Variants in LZTR1 observed in about 807,000 individuals in gnomAD.
LZTR1 encodes leucine zipper like post translational regulator 1.
Under a neutral mutation model 105.7 loss-of-function variants are expected in LZTR1, and 260 were observed. The ratio of observed to expected loss-of-function variants is 2.46; its 90% confidence interval spans 2.22 to 2.72. LZTR1 has a LOEUF of 2.72. Among genes scored for constraint, LZTR1 ranks in the 30% most tolerant of loss-of-function variants. The pLI is 0.00. For missense variants in LZTR1, 1,214 were observed against 1,166.9 expected (o/e 1.04, Z -0.59); for synonymous variants, 490 against 476.4 (o/e 1.03, Z -0.37).
rs749640575 is a variant in LZTR1 at position 20,996,719 on chromosome 22, A to T, written c.2243A>T (p.Tyr748Phe). ...DSLYLFAAPY[Y>F]YGFYNNRLQA... is the part of the protein sequence containing the mutation. ...AGCTACTTGTTTGCGGCCCCCTACT[A>T]CTACGGCTTCTACAACAACCGGCTG... Residue 748 changes from tyrosine to phenylalanine, a missense_variant, in exon 19 of 21, where the codon TAC (tyrosine) becomes TTC (phenylalanine). Tyr to Phe is a conservative substitution (Grantham distance 22, BLOSUM62 3). Transcript: ENST00000646124. The T allele has an allele frequency of 1.9e-6, 3 of 1,613,506 alleles. No homozygotes were observed. Among genetic ancestry groups the T allele is most frequent in the Non-Finnish European group, 2.5e-6 (3 of 1,179,960 alleles).
rs1267577161 is a variant in LZTR1, at chr22:20,993,685, G to A, written c.1284G>A (p.Thr428=). 7 of 1,613,486 alleles carry A rather than the reference G, an allele frequency of 4.3e-6. No homozygotes were observed. The highest frequency in any genetic ancestry group is 2.2e-5 in the East Asian group (1 of 44,872). The part of the protein sequence containing the change: ...RFQFSCYPKC[T]LHEDYGRLWE... ...AGTTCTCCTGTTACCCTAAATGCAC[G>A]CTGCACGAGGACTACGGGCGGCTGT... is the stretch of plus-strand genomic sequence containing the variant. Residue 428 remains threonine, a synonymous_variant, in exon 12 of 21, where the codon ACG becomes ACA. Transcript: ENST00000646124.
Position 20,987,553 on chromosome 22 carries a change from G to T in LZTR1, c.370G>T (p.Val124Phe), listed in dbSNP as rs759568976. The change falls in exon 4 of 21, where the codon GTC becomes TTC. Residue 124 changes from valine to phenylalanine, a missense_variant. Val to Phe is a conservative substitution (Grantham distance 50). Transcript: ENST00000646124. ...GGCCCCCCGTTACCACCACTCGGCC[G>T]TCGTCTATGGGAGCAGCATGTTTGT... ...PPAPRYHHSAVVYGSSMFVFG... is the reference protein window; with the variant it reads ...PPAPRYHHSAFVYGSSMFVFG... 1 of 1,614,074 alleles carries T rather than the reference G, an allele frequency of 6.2e-7. No individual in the cohort carries two copies. Among genetic ancestry groups the T allele is most frequent in the South Asian group, 1.1e-5 (1 of 91,080 alleles).
Position 20,998,489 on chromosome 22 carries a change from T to A in LZTR1, c.*1141T>A, listed in dbSNP as rs1924963761. ...CTGGGAACAGGATTCCAGGACCCCT[T>A]TCTTGTTGTGGCTGCCATGAAGCCA... On this transcript the variant is annotated 3_prime_UTR_variant, in exon 21 of 21. Transcript: ENST00000646124. 6.6e-6 allele frequency: 1 copy of A among 152,300 alleles called. No individual in the cohort carries two copies. Among genetic ancestry groups the A allele is most frequent in the Non-Finnish European group, 1.5e-5 (1 of 68,106 alleles). The allele number at this position is 152,300 out of a possible 1,614,324, so 9.4% of individuals were successfully genotyped here.
At chr22:20,993,592 C>A in intron 11 of LZTR1, 70 bp from the exon 12 acceptor site, 1 of 1,342,490 alleles carries the variant, frequency 7.4e-7, no homozygotes, top group Non-Finnish European at 1.0e-6. Flanking sequence ...ACCTCAGGGT[C>A]GGCCTGCACA....
Position 20,994,539 on chromosome 22 carries a change from C to A in LZTR1, c.1616-19C>A, listed in dbSNP as rs764648291. ...CTCCCCTCTCCGGCTCCCTGAGATT[C>A]GGGGGCTCTGGGGCGCAGGCCATGT... On this transcript the variant is annotated intron_variant, in intron 14 of 20. Transcript: ENST00000646124. 1.2e-6 allele frequency: 2 copies of A among 1,603,878 alleles called. No individual in the cohort carries two copies. Among genetic ancestry groups the A allele is most frequent in the Admixed American group, 1.7e-5 (1 of 59,984 alleles).
chr22:20,997,075 G>A lies in LZTR1; in HGVS notation c.2406+109G>A, dbSNP rs749692738. On this transcript the variant is annotated intron_variant, in intron 20 of 20. Transcript: ENST00000646124. ...GTCCCCTGCAGTGGTGGGCCCTGGG[G>A]GTGAGAGAAGCAGAGCAGCCCATCA... The A allele has an allele frequency of 5.6e-6, 7 of 1,251,986 alleles. No homozygotes were observed. In the South Asian group the frequency reaches 8.6e-5, roughly 15 times the overall value. 77.6% of individuals were successfully genotyped at this position (1,251,986 alleles called of 1,614,324 possible).
At chr22:20,985,806 G>T in intron 2 of LZTR1, 35 bp from the exon 3 acceptor site, 1 of 1,610,332 alleles carries the variant, frequency 6.2e-7, no homozygotes. Flanking sequence ...GAGTAGACCT[G>T]GCTAATGCCA....
At chr22:20,991,921 C>G in intron 9 of LZTR1, 92 bp downstream of exon 9, 1 of 1,269,960 alleles carries the variant, frequency 7.9e-7, no homozygotes, top group Non-Finnish European at 1.1e-6. Context: ...TTGGGGCCCC[C>G]TGGGGTTCCA....
chr22:20,996,431 T>C, intron 18 of LZTR1: 1 of 591,860 alleles, frequency 1.7e-6, no homozygotes, highest in South Asian at 2.0e-5. Context: ...AGTAGGGGTC[T>C]GAACATGGAG....
intron 2 of LZTR1, among the ~76,000 whole-genome samples, chr22:20,985,365 T>C (rs1368748342): frequency 6.6e-6 from 1 of 151,292 alleles, no homozygotes; most frequent in African/African-American, 2.4e-5. Context: ...CAGCCCATTG[T>C]CTCTATTTCT....
In LZTR1 at chr22:20,988,826, T is replaced by A; in HGVS notation, c.547T>A (p.Tyr183Asn). The change falls in exon 6 of 21, where the codon TAC becomes AAC. Residue 183 changes from tyrosine (Y) to asparagine (N), a missense_variant. By Grantham distance (143) the Tyr-to-Asn change is moderately radical (BLOSUM62 -2). Transcript: ENST00000646124. ...TAGGTCAGCCCATGGGGCCACGGTG[T>A]ACAGTGACAAGCTGTGGATCTTTGC... is the stretch of plus-strand genomic sequence containing the variant. ...VARSAHGATVYSDKLWIFAGY... is the reference protein window; with the variant it reads ...VARSAHGATVNSDKLWIFAGY... 1 of 1,614,138 alleles carries A rather than the reference T, an allele frequency of 6.2e-7. No individual in the cohort carries two copies. Among genetic ancestry groups the A allele is most frequent in the Middle Eastern group, 1.7e-4 (1 of 6,060 alleles).
In LZTR1 at chr22:20,996,889, C is replaced by G. The variant is rs760257587; in HGVS notation, c.2329C>G (p.Leu777Val). The change falls in exon 20 of 21, where the codon CTG (leucine) becomes GTG (valine). Residue 777 changes from leucine (L) to valine (V), a missense_variant. Transcript: ENST00000646124. ...NVTVQNVLQILEAADKTQALD... is the reference protein window; with the variant it reads ...NVTVQNVLQIVEAADKTQALD... ...CTCAAGGTCCCTGCCATTGCAGATC[C>G]TGGAGGCAGCTGACAAAACGCAGGC... is the stretch of plus-strand genomic sequence containing the variant. 6.2e-7 allele frequency: 1 copy of G among 1,612,082 alleles called. No individual in the cohort carries two copies. The highest frequency in any genetic ancestry group is 2.2e-5 in the East Asian group (1 of 44,822).
chr22:20,991,945 A>G (rs1184005188), intron 9 of LZTR1, 116 bp downstream of exon 9: 2 of 1,025,138 alleles, frequency 2.0e-6, no homozygotes, highest in Non-Finnish European at 2.8e-6. Flanking sequence ...AGCTACCAGG[A>G]GCAAGGCCAG....
chr22:20,990,518 G>A lies in LZTR1; in HGVS notation c.784G>A (p.Asp262Asn), dbSNP rs772266158. 1.9e-6 allele frequency: 3 copies of A among 1,610,798 alleles called. No homozygotes were observed. Among genetic ancestry groups the A allele is most frequent in the Non-Finnish European group, 1.7e-6 (2 of 1,178,246 alleles). ...TNNLFQFEFK[D>N]KTWTRIPTEH... ...CAACCTCTTCCAGTTTGAATTCAAG[G>A]ACAAGACGTGAGTACTCTGGCCAGT... The change falls in exon 8 of 21, where the codon GAC (aspartate) becomes AAC (asparagine). Residue 262 changes from aspartate to asparagine, a missense_variant. By Grantham distance (23) the Asp-to-Asn change is conservative. Transcript: ENST00000646124.
At position 20,988,769 on chromosome 22, in the gene LZTR1, C is replaced by T; in HGVS notation, c.510-20C>T. ...TGTGCTGGGCGGCCTCACTCCCTCC[C>T]CTCTTCCCTCACACTCCAGGTTGCC... On this transcript the variant is annotated intron_variant, in intron 5 of 20. Coordinates refer to ENST00000646124, the MANE Select transcript of LZTR1 (RefSeq NM_006767.4). 1 of 1,603,384 alleles carries T rather than the reference C, an allele frequency of 6.2e-7. No homozygotes were observed. Among genetic ancestry groups the T allele is most frequent in the Non-Finnish European group, 8.5e-7 (1 of 1,170,392 alleles).
intron 4 of LZTR1, 142 bp from the exon 5 acceptor site, chr22:20,987,868 A>G: frequency 1.5e-6 from 1 of 648,032 alleles, no homozygotes; most frequent in South Asian, 1.9e-5. Context: ...AGAGGCAGAC[A>G]GGCAGCAGGT....
At position 20,997,237 on chromosome 22, in the gene LZTR1, CA is replaced by C. The variant is rs778908038; in HGVS notation, c.2414del (p.Lys805SerfsTer8). On this transcript the variant is annotated frameshift_variant, in exon 21 of 21. Transcript: ENST00000646124. LOFTEE classifies it high-confidence loss of function. ...IIVHQFTKVS[K>X]LPTLRSLSQQ... ...CCGGCCTGCTTGCCTTACAGGTCTCCAAGTTGCCCACCCTGCGGTCGCTGAG... is the reference window on the plus strand; with the variant it reads ...CCGGCCTGCTTGCCTTACAGGTCTCCAGTTGCCCACCCTGCGGTCGCTGAG... 4 of 1,611,450 alleles carry C rather than the reference CA, an allele frequency of 2.5e-6. No individual in the cohort carries two copies. Among genetic ancestry groups the C allele is most frequent in the African/African-American group, 2.7e-5 (2 of 75,040 alleles).
chr22:20,987,476 A>G, intron 3 of LZTR1, 28 bp from the exon 4 acceptor site: 1 of 1,423,394 alleles, frequency 7.0e-7, no homozygotes, highest in Non-Finnish European at 9.9e-7. Flanking sequence ...ACCCCCGCTG[A>G]CTCTCACCAC....
chr22:20,992,179 A>C (rs1370058999), intron 9 of LZTR1, 35 bp from the exon 10 acceptor site: 1 of 1,599,802 alleles, frequency 6.3e-7, no homozygotes, highest in Non-Finnish European at 8.5e-7. Context: ...GGCCCTTGCC[A>C]ACTGGTCTCA....
Sources: gnomAD v4.1 joint callset for allele counts (sites outside exome capture counted in the v4.1 genomes callset) on GRCh38, gnomAD v4.1.1 for gene constraint, MANE v1.5 for transcripts, NCBI Gene and HGNC (gene_info 2026-07-23, HGNC 2026-07-21) for gene names.